The following ZDHHC14 variants were observed in gnomAD, a reference collection of about 807,000 sequenced individuals.
ZDHHC14 encodes the protein zDHHC palmitoyltransferase 14, also known as palmitoyltransferase ZDHHC14.
ZDHHC14 carries 16 observed loss-of-function variants against 47.7 expected under a neutral mutation model. The ratio of observed to expected loss-of-function variants is 0.34; its 90% confidence interval spans 0.23 to 0.51. The LOEUF is 0.51. Among genes scored for constraint, ZDHHC14 ranks in the 20% least tolerant of loss-of-function variants. ZDHHC14 has a pLI of 0.97. For synonymous variants in ZDHHC14, 293 were observed against 278.9 expected (o/e 1.05, Z -0.50); for missense variants, 515 against 662.5 (o/e 0.78, Z 2.44).
chr6:157,669,824 A>G (rs1778712993), intron 8 of ZDHHC14, among the ~76,000 whole-genome samples: 1 of 152,248 alleles, frequency 6.6e-6, no homozygotes, highest in South Asian at 2.1e-4. Flanking sequence ...CCCTGGGCTC[A>G]TTCCCAGGCC....
At chr6:157,511,245 A>G (rs1780467202) in intron 1 of ZDHHC14, among the ~76,000 whole-genome samples, 1 of 152,348 alleles carries the variant, frequency 6.6e-6, no homozygotes, top group East Asian at 1.9e-4. Context: ...GGCGGGAAGC[A>G]GGAGAGGAAT....
At chr6:157,641,238 G>C (rs1007992689) in intron 5 of ZDHHC14, among the ~76,000 whole-genome samples, 2 of 152,102 alleles carry the variant, frequency 1.3e-5, no homozygotes, top group Non-Finnish European at 2.9e-5. Flanking sequence ...ACATATTACT[G>C]TGTCTCTAGG....
intron 1 of ZDHHC14, among the ~76,000 whole-genome samples, chr6:157,397,037 T>C (rs894693637): frequency 1.1e-4 from 17 of 152,208 alleles, no homozygotes; most frequent in Non-Finnish European, 7.3e-5. Flanking sequence ...CAGGACAATG[T>C]CATCACCTTG....
intron 5 of ZDHHC14, among the ~76,000 whole-genome samples, chr6:157,635,006 C>G (rs552690444): frequency 6.8e-6 from 1 of 148,098 alleles, no homozygotes; most frequent in South Asian, 2.2e-4. Context: ...TTTTTTTTTT[C>G]CCCCTGAAAC....
At chr6:157,432,317 A>G (rs1778354784) in intron 1 of ZDHHC14, among the ~76,000 whole-genome samples, 1 of 152,198 alleles carries the variant, frequency 6.6e-6, no homozygotes, top group Non-Finnish European at 1.5e-5. Flanking sequence ...TGGGTGCTCA[A>G]CAACTGGGTT....
At chr6:157,632,509 C>T in intron 4 of ZDHHC14, 2 of 305,462 alleles carry the variant, frequency 6.5e-6, no homozygotes, top group Non-Finnish European at 1.2e-5. Context: ...GAAAAGATAG[C>T]ATACAGTATT....
At chr6:157,570,256 C>A (rs543632457) in intron 2 of ZDHHC14, among the ~76,000 whole-genome samples, 41 of 152,338 alleles carry the variant, frequency 2.7e-4, no homozygotes, top group South Asian at 1.2e-3. Context: ...AATGGTGAAG[C>A]CTGGCCCTGC....
chr6:157,659,293 C>A (rs1478489187), intron 8 of ZDHHC14, among the ~76,000 whole-genome samples: 1 of 152,240 alleles, frequency 6.6e-6, no homozygotes, highest in African/African-American at 2.4e-5. Context: ...TTTAAACATT[C>A]TGTGAAATGC....
chr6:157,635,348 C>T (rs1229743048), intron 5 of ZDHHC14, among the ~76,000 whole-genome samples: 2 of 152,180 alleles, frequency 1.3e-5, no homozygotes, highest in Non-Finnish European at 2.9e-5. Context: ...GCATCTTATC[C>T]TATCAAGATC....
At chr6:157,642,122 A>G (rs1294219036) in intron 5 of ZDHHC14, among the ~76,000 whole-genome samples, 1 of 152,232 alleles carries the variant, frequency 6.6e-6, no homozygotes, top group Non-Finnish European at 1.5e-5. Context: ...AGAATGCACA[A>G]GCCCACATTG....
intron 1 of ZDHHC14, among the ~76,000 whole-genome samples, chr6:157,452,690 A>ATTTTTTTTTTTTTTTT (rs747862336): frequency 1.4e-5 from 1 of 72,960 alleles, no homozygotes; most frequent in African/African-American, 5.7e-5. Context: ...ATACATGGGG[A>ATTTTTTTTTTTTTTTT]TTTTTTTTTT....
In ZDHHC14 at chr6:157,586,506, T is replaced by C. The variant is rs1433029306; in HGVS notation, c.407-6482T>C. Reference sequence around the variant, plus strand: ...ATCGTGCAAGGAGAGAGAAGGTTCATGGATTGTGTGCTGTATGGGAGGGCC... The same window carrying C: ...ATCGTGCAAGGAGAGAGAAGGTTCACGGATTGTGTGCTGTATGGGAGGGCC... On this transcript the variant is annotated intron_variant, in intron 2 of 8. Coordinates refer to ENST00000359775, the MANE Select transcript of ZDHHC14 (RefSeq NM_024630.3). This position sits in a 1 kb window ranked among gnomAD's most constrained non-coding sequence, Gnocchi z 4.6. Among the ~76,000 whole-genome samples, 3 of 152,178 alleles carry C rather than the reference T, an allele frequency of 2.0e-5. No individual in the cohort carries two copies. Among genetic ancestry groups the C allele is most frequent in the African/African-American group, 7.2e-5 (3 of 41,444 alleles).
chr6:157,540,888 A>ATGTGTGTGTGTGTGTG (rs1171821046), intron 1 of ZDHHC14, among the ~76,000 whole-genome samples: 2 of 127,590 alleles, frequency 1.6e-5, no homozygotes, highest in African/African-American at 3.6e-5. Context: ...ATATGTATGT[A>ATGTGTGTGTGTGTGTG]TGTGTGTGTG....
intron 1 of ZDHHC14, among the ~76,000 whole-genome samples, chr6:157,390,491 T>C (rs1177048134): frequency 1.3e-5 from 2 of 152,176 alleles, no homozygotes; most frequent in African/African-American, 4.8e-5. Flanking sequence ...CTTCAGTACC[T>C]CTTTTCTTTC....
chr6:157,562,323 C>T (rs1259325415), intron 2 of ZDHHC14, among the ~76,000 whole-genome samples: 1 of 152,212 alleles, frequency 6.6e-6, no homozygotes, highest in Non-Finnish European at 1.5e-5. Context: ...GTGAGAACAG[C>T]TGGTGCAGCC....
chr6:157,403,300 C>T (rs867049922), intron 1 of ZDHHC14, among the ~76,000 whole-genome samples: 40 of 152,296 alleles, frequency 2.6e-4, no homozygotes, highest in African/African-American at 8.2e-4. Flanking sequence ...CAATAACCTA[C>T]GAAATAACCT....
chr6:157,488,268 A>C (rs537402540), intron 1 of ZDHHC14, among the ~76,000 whole-genome samples: 5 of 152,168 alleles, frequency 3.3e-5, no homozygotes, highest in African/African-American at 1.2e-4. Flanking sequence ...TCTCTACTCC[A>C]CTGTGATCAG....
In ZDHHC14 at chr6:157,427,671, G is replaced by A. The variant is rs1310711773; in HGVS notation, c.245+45405G>A. On this transcript the variant is annotated intron_variant, in intron 1 of 8. Transcript: ENST00000359775. The surrounding 1 kb of genome is among the most constrained non-coding windows in gnomAD (Gnocchi z 4.4). The stretch of plus-strand genomic sequence containing the variant: ...AGAGGAACGTGAGTATTGAGATGTC[G>A]GCATGGGAGGTGGCTTGGATTTTCT... Among the ~76,000 whole-genome samples the A allele has an allele frequency of 6.6e-6, 1 of 152,094 alleles. No individual in the cohort carries two copies. The highest frequency in any genetic ancestry group is 1.5e-5 in the Non-Finnish European group (1 of 68,022).
At chr6:157,626,395 T>G (rs1583037281) in intron 3 of ZDHHC14, among the ~76,000 whole-genome samples, 1 of 152,152 alleles carries the variant, frequency 6.6e-6, no homozygotes, top group African/African-American at 2.4e-5. Flanking sequence ...TCTGGCTGAT[T>G]CAGATTTTTT....
Sources: gnomAD v4.1 joint callset for allele counts (sites outside exome capture counted in the v4.1 genomes callset) on GRCh38, gnomAD v4.1.1 for gene constraint, Gnocchi (gnomAD v3.1) non-coding constraint, MANE v1.5 for transcripts, NCBI Gene and HGNC (gene_info 2026-07-23, HGNC 2026-07-21) for gene names.